Variants in XCR1 observed in about 807,000 individuals in gnomAD.
XCR1 encodes the protein chemokine XC receptor 1.
For synonymous variants in XCR1, 187 were observed against 188.5 expected, an observed-to-expected ratio of 0.99 and a Z score of 0.06; for missense variants, 356 against 424.2, an observed-to-expected ratio of 0.84 and a Z score of 1.41.
chr3:46,033,996 CAG>C (rs1697369548), intron 5 of XCR1, among the ~76,000 whole-genome samples: 1 of 151,304 alleles, frequency 6.6e-6, no homozygotes, highest in African/African-American at 2.4e-5. Context: ...TTCTTTTAGA[CAG>C]AGTCTCACTC....
At chr3:46,051,013 T>A (rs1055967429) in intron 5 of XCR1, among the ~76,000 whole-genome samples, 2 of 152,212 alleles carry the variant, frequency 1.3e-5, no homozygotes, top group African/African-American at 4.8e-5. Context: ...ATGAAGTTGA[T>A]CTAGCTTCTC....
At chr3:46,025,551 G>A (rs572015600) in intron 1 of XCR1, among the ~76,000 whole-genome samples, 3 of 152,298 alleles carry the variant, frequency 2.0e-5, no homozygotes, top group African/African-American at 7.2e-5. Context: ...TCAATTTTAT[G>A]TTAAAAAATC....
chr3:46,028,355 T>G (rs1052944474), upstream of XCR1, among the ~76,000 whole-genome samples: 1 of 152,276 alleles, frequency 6.6e-6, no homozygotes, highest in East Asian at 1.9e-4. Context: ...TCTTTTTATA[T>G]GTGTATTGGT....
At chr3:46,052,374 TC>T in intron 5 of XCR1, among the ~76,000 whole-genome samples, 1 of 152,258 alleles carries the variant, frequency 6.6e-6, no homozygotes, top group African/African-American at 2.4e-5. Context: ...CCGTCTCATT[TC>T]CCAACAGGGG....
At chr3:46,084,255 G>A (rs954225838) in intron 1 of XCR1, among the ~76,000 whole-genome samples, 3 of 152,172 alleles carry the variant, frequency 2.0e-5, no homozygotes, top group African/African-American at 7.2e-5. Flanking sequence ...GGACAAGCTG[G>A]CACTCAGATT....
chr3:46,044,319 T>C (rs937995758), intron 5 of XCR1, among the ~76,000 whole-genome samples: 1 of 152,186 alleles, frequency 6.6e-6, no homozygotes, highest in African/African-American at 2.4e-5. Context: ...GTTTCTCTGG[T>C]GACTTATTAT....
intron 4 of XCR1, among the ~76,000 whole-genome samples, chr3:46,065,122 A>G (rs7631598): frequency 0.33 from 49,538 of 151,988 alleles, 9,970 homozygotes; most frequent in East Asian, 0.66. Flanking sequence ...AAAAAGGAAA[A>G]AAAAATAGAG....
At chr3:46,058,484 G>A (rs6773666) in intron 4 of XCR1, among the ~76,000 whole-genome samples, 8,852 of 152,232 alleles carry the variant, frequency 0.058, 392 homozygotes, top group African/African-American at 0.13. Flanking sequence ...ACCAAATCCT[G>A]AGTCTTATCC....
intron 4 of XCR1, among the ~76,000 whole-genome samples, chr3:46,059,716 C>T (rs1697926131): frequency 1.3e-5 from 2 of 152,172 alleles, no homozygotes; most frequent in South Asian, 4.1e-4. Context: ...TACTCATGAC[C>T]AATGTCCCTG....
Position 46,021,479 on chromosome 3 carries a change from T to TG in XCR1, c.468dup (p.Ser157GlnfsTer20). 1 of 1,613,826 alleles carries TG rather than the reference T, an allele frequency of 6.2e-7. No homozygotes were observed. Among genetic ancestry groups the TG allele is most frequent in the Non-Finnish European group, 8.5e-7 (1 of 1,179,852 alleles). On this transcript the variant is annotated frameshift_variant, in exon 2 of 2. Transcript: ENST00000309285. LOFTEE classifies it low-confidence loss of function (END_TRUNC). This position sits in a 1 kb window ranked among gnomAD's most constrained non-coding sequence, Gnocchi z 4.7. ...GTGTCGAGGATGGAGGACAGGATGC[T>TG]GGCTACCCACACAGCCATGGTCACC... is the stretch of plus-strand genomic sequence containing the variant.
intron 5 of XCR1, among the ~76,000 whole-genome samples, chr3:46,040,887 G>T (rs941366945): frequency 6.6e-6 from 1 of 152,204 alleles, no homozygotes. Context: ...TGTTCATAAA[G>T]ATTGCTAGCC....
chr3:46,020,976 G>T lies in XCR1; in HGVS notation c.972C>A (p.Ala324=). ...AGAAGGAGGCGCCCTCATAGGCGAA[G>T]GCACCAGGGGAGTGGGGGATCGAGG... The part of the protein sequence containing the change: ...SPASIPHSPG[A]FAYEGASFY The change falls in exon 2 of 2, where the codon GCC becomes GCA. Residue 324 remains alanine (A), a synonymous_variant. Coordinates refer to ENST00000309285, the MANE Select transcript of XCR1 (RefSeq NM_001024644.2). 1 of 1,612,774 alleles carries T rather than the reference G, an allele frequency of 6.2e-7. No individual in the cohort carries two copies. Among genetic ancestry groups the T allele is most frequent in the Non-Finnish European group, 8.5e-7 (1 of 1,179,338 alleles).
chr3:46,036,530 G>A (rs1046487604), intron 5 of XCR1, among the ~76,000 whole-genome samples: 3 of 152,124 alleles, frequency 2.0e-5, no homozygotes, highest in African/African-American at 7.2e-5. Flanking sequence ...TATTTTTCAA[G>A]TTCACATGAC....
chr3:46,032,455 C>T (rs1336243176), upstream of XCR1, among the ~76,000 whole-genome samples: 1 of 152,198 alleles, frequency 6.6e-6, no homozygotes, highest in Non-Finnish European at 1.5e-5. Flanking sequence ...AATGCTGGAC[C>T]CCACACTTGC....
At chr3:46,074,214 C>CTTTTTT (rs35124592) in intron 3 of XCR1, among the ~76,000 whole-genome samples, 3 of 86,664 alleles carry the variant, frequency 3.5e-5, no homozygotes, top group African/African-American at 1.3e-4. Context: ...TGAAGGCCAT[C>CTTTTTT]TTTTTTTTTT....
At chr3:46,066,940 C>T (rs1176494599) in exon 4 of XCR1, among the ~76,000 whole-genome samples, 3 of 152,150 alleles carry the variant, frequency 2.0e-5, no homozygotes, top group Non-Finnish European at 2.9e-5. Context: ...TTTCCAGCAA[C>T]CTGAATGATG....
rs138546815 is a variant in XCR1 at position 46,073,360 on chromosome 3, T to C, written c.-263+1291A>G. On this transcript the variant is annotated intron_variant, in intron 3 of 5. Coordinates refer to the XCR1 transcript ENST00000683768. ...CTATAATCCCAACACTTTGGGAGGC[T>C]GAGGCGGGCAGATCACTTGAGGCCT... 6.4e-3 allele frequency among the ~76,000 whole-genome samples: 971 copies of C among 152,238 alleles called. 8 individuals are homozygous for C. Among genetic ancestry groups the C allele is most frequent in the African/African-American group, 0.018 (738 of 41,550 alleles).
upstream of XCR1, among the ~76,000 whole-genome samples, chr3:46,032,046 C>A (rs1460951800): frequency 6.6e-6 from 1 of 152,234 alleles, no homozygotes; most frequent in African/African-American, 2.4e-5. Context: ...TGATAAAGCT[C>A]TTCATCTTGT....
At chr3:46,039,873 T>A (rs1481672846) in intron 5 of XCR1, among the ~76,000 whole-genome samples, 1 of 152,176 alleles carries the variant, frequency 6.6e-6, no homozygotes, top group Non-Finnish European at 1.5e-5. Context: ...TCTGGGCCAG[T>A]GTGTCAGAAT....
Sources: allele counts gnomAD v4.1 joint callset (sites outside exome capture counted in the v4.1 genomes callset), GRCh38; gene constraint gnomAD v4.1.1; non-coding constraint Gnocchi (gnomAD v3.1); transcripts MANE v1.5; gene names NCBI Gene and HGNC (gene_info 2026-07-23, HGNC 2026-07-21).